The following C18orf63 variants were observed in gnomAD, a reference collection of about 807,000 sequenced individuals.
C18orf63 encodes the protein uncharacterized protein C18orf63.
A neutral mutation model predicts 75.3 loss-of-function variants in C18orf63; 50 were observed. That is an observed-to-expected ratio of 0.66 (90% confidence interval 0.53 to 0.84). The LOEUF (loss-of-function observed/expected upper bound fraction) is 0.84, where lower values mean the gene tolerates loss of function less well. C18orf63 is among the 40% of genes least tolerant of loss of function. The probability of loss-of-function intolerance (pLI) is 0.00; values close to 1 mark genes in which losing one functional copy is unlikely to be tolerated. For synonymous variants in C18orf63, 232 were observed against 267.6 expected, an observed-to-expected ratio of 0.87 and a Z score of 1.30; for missense variants, 732 against 800.2, an observed-to-expected ratio of 0.91 and a Z score of 1.03.
In C18orf63 at chr18:74,357,144, C is replaced by G. The variant is rs1468994616; in HGVS notation, c.*697C>G. On this transcript the variant is annotated 3_prime_UTR_variant, in exon 14 of 14. Transcript: ENST00000579455. ...CTGAATAAATGTAAAAGCTATTTCT[C>G]AACAAAACTGGAGCCTTTATTGGGG... The G allele has an allele frequency of 6.6e-6, 1 of 152,160 alleles. No individual in the cohort carries two copies. Among genetic ancestry groups the G allele is most frequent in the Non-Finnish European group, 1.5e-5 (1 of 68,038 alleles). The allele number at this position is 152,160 out of a possible 1,614,324, so 9.4% of individuals were successfully genotyped here.
intron 11 of C18orf63, among the ~76,000 whole-genome samples, chr18:74,347,147 T>C (rs140855096): frequency 6.6e-6 from 1 of 152,296 alleles, no homozygotes; most frequent in African/African-American, 2.4e-5. Flanking sequence ...GTTTCCTCAG[T>C]TGTAAAATGA....
chr18:74,324,621 A>G (rs1331649125), intron 4 of C18orf63, among the ~76,000 whole-genome samples: 1 of 152,220 alleles, frequency 6.6e-6, no homozygotes, highest in Non-Finnish European at 1.5e-5. Context: ...ACTAAGCATC[A>G]TCATTTTTAT....
chr18:74,326,714 T>C (rs1315539376), intron 4 of C18orf63, among the ~76,000 whole-genome samples: 1 of 152,228 alleles, frequency 6.6e-6, no homozygotes, highest in African/African-American at 2.4e-5. Flanking sequence ...TGTTGCCTGA[T>C]GTCGGATATG....
rs1458702099 is a variant in C18orf63 at position 74,318,013 on chromosome 18, T to A, written c.134+14T>A. Reference sequence around the variant, plus strand: ...GAAGATGTGCAGGTAAAAAAATACATCTTATAACTAAGACTTTTAAAACTT... The same window carrying A: ...GAAGATGTGCAGGTAAAAAAATACAACTTATAACTAAGACTTTTAAAACTT... On this transcript the variant is annotated intron_variant, in intron 2 of 13. Coordinates refer to ENST00000579455, the MANE Select transcript of C18orf63 (RefSeq NM_001174123.2). The A allele has an allele frequency of 6.8e-7, 1 of 1,464,424 alleles. No individual in the cohort carries two copies. The highest frequency in any genetic ancestry group is 9.0e-7 in the Non-Finnish European group (1 of 1,107,674). 90.7% of individuals were successfully genotyped at this position (1,464,424 alleles called of 1,614,324 possible). A position where few individuals can be genotyped will look rare whatever the true frequency, so the allele number is the denominator to read the frequency against.
At position 74,357,997 on chromosome 18, in the gene C18orf63, A is replaced by T. The variant is rs1485996846; in HGVS notation, c.*1550A>T. ...TGAGCACAGTCATCCACAGCATGTA[A>T]TCATTCCTAAAACCAGCCTTCCCCA... On this transcript the variant is annotated 3_prime_UTR_variant, in exon 14 of 14. Coordinates refer to ENST00000579455, the MANE Select transcript of C18orf63 (RefSeq NM_001174123.2). 6.6e-6 allele frequency: 1 copy of T among 152,146 alleles called. No homozygotes were observed. Among genetic ancestry groups the T allele is most frequent in the African/African-American group, 2.4e-5 (1 of 41,426 alleles). 9.4% of individuals were successfully genotyped at this position (152,146 alleles called of 1,614,324 possible).
At chr18:74,327,218 C>G (rs1317526654) in intron 4 of C18orf63, among the ~76,000 whole-genome samples, 2 of 152,154 alleles carry the variant, frequency 1.3e-5, no homozygotes, top group Admixed American at 1.3e-4. Context: ...CTCCCCAAAC[C>G]TTTATGATTT....
rs1429916241 is a variant in C18orf63, at chr18:74,317,979, T to A, written c.114T>A (p.Thr38=). Residue 38 remains threonine (T), a synonymous_variant, in exon 2 of 14, where the codon ACT becomes ACA. Coordinates refer to ENST00000579455, the MANE Select transcript of C18orf63 (RefSeq NM_001174123.2). ...AGGTGGCAGATACTGAGATTAGGAC[T>A]ATACAAATGAAGATGTGCAGGTAAA... ...SNKVADTEIR[T]IQMKMCRQLL... 1 of 1,505,478 alleles carries A rather than the reference T, an allele frequency of 6.6e-7. No individual in the cohort carries two copies. The highest frequency in any genetic ancestry group is 8.8e-7 in the Non-Finnish European group (1 of 1,130,488). The allele number at this position is 1,505,478 out of a possible 1,614,324, so 93.3% of individuals were successfully genotyped here.
At position 74,354,210 on chromosome 18, in the gene C18orf63, C is replaced by T; in HGVS notation, c.1943C>T (p.Ser648Leu). The T allele has an allele frequency of 6.5e-7, 1 of 1,535,972 alleles. No homozygotes were observed. The highest frequency in any genetic ancestry group is 1.4e-5 in the African/African-American group (1 of 73,044). Residue 648 changes from serine (S) to leucine (L), a missense_variant, in exon 12 of 14, where the codon TCA becomes TTA. By Grantham distance (145) the Ser-to-Leu change is moderately radical. Coordinates refer to ENST00000579455, the MANE Select transcript of C18orf63 (RefSeq NM_001174123.2). ...RKLCPESSKT[S>L]KKHHSDTVHY... Reference sequence around the variant, plus strand: ...TTATGTCCAGAGTCTTCCAAAACTTCAAAGAAGCATCATTCCGATACTGTG... The same window carrying T: ...TTATGTCCAGAGTCTTCCAAAACTTTAAAGAAGCATCATTCCGATACTGTG...
chr18:74,353,611 A>G lies in C18orf63; in HGVS notation c.1344A>G (p.Lys448=), dbSNP rs772562321. 18 of 1,536,168 alleles carry G rather than the reference A, an allele frequency of 1.2e-5. No individual in the cohort carries two copies. The African/African-American group carries it at 2.5e-4, about 21-fold the overall frequency. Residue 448 remains lysine, a synonymous_variant, in exon 12 of 14, where the codon AAA becomes AAG. Coordinates refer to ENST00000579455, the MANE Select transcript of C18orf63 (RefSeq NM_001174123.2). ...AAAATAGATTGTTACAAATGAACAA[A>G]AATACCTCAGTACTTGGCAGCCCAA... ...VFKNRLLQMN[K]NTSVLGSPKR...
chr18:74,327,744 G>T (rs1029833753), intron 4 of C18orf63, among the ~76,000 whole-genome samples: 9 of 152,218 alleles, frequency 5.9e-5, no homozygotes, highest in African/African-American at 2.2e-4. Flanking sequence ...CATGACAATA[G>T]TAGTGGTTTT....
rs779610805 is a variant in C18orf63 at position 74,354,067 on chromosome 18, T to C, written c.1800T>C (p.Asp600=). 5 of 1,536,254 alleles carry C rather than the reference T, an allele frequency of 3.3e-6. No homozygotes were observed. The highest frequency in any genetic ancestry group is 4.4e-6 in the Non-Finnish European group (5 of 1,146,918). ...GACAGCCACACATTTTTGAATCAGA[T>C]GGAGAAACCGAAGATCCACGACTGC... ...LKRQPHIFES[D]GETEDPRLLQ... is the part of the protein sequence containing the mutation. The change falls in exon 12 of 14, where the codon GAT becomes GAC. Residue 600 remains aspartate (D), a synonymous_variant. Coordinates refer to ENST00000579455, the MANE Select transcript of C18orf63 (RefSeq NM_001174123.2).
chr18:74,331,620 A>G (rs952082987), intron 7 of C18orf63, among the ~76,000 whole-genome samples: 1 of 152,198 alleles, frequency 6.6e-6, no homozygotes. Context: ...GGTAGAGGCC[A>G]GAGAAGGGAT....
intron 8 of C18orf63, among the ~76,000 whole-genome samples, chr18:74,341,225 C>G (rs1188171391): frequency 1.6e-5 from 2 of 126,010 alleles, no homozygotes; most frequent in East Asian, 2.4e-4. Flanking sequence ...GAGCCGAGAT[C>G]CCGCCACTGC....
At chr18:74,325,315 A>G (rs1984190322) in intron 4 of C18orf63, among the ~76,000 whole-genome samples, 2 of 152,186 alleles carry the variant, frequency 1.3e-5, no homozygotes, top group Non-Finnish European at 2.9e-5. Flanking sequence ...TGTGTTATAT[A>G]GTTTCCAAAT....
intron 8 of C18orf63, among the ~76,000 whole-genome samples, chr18:74,341,217 G>A (rs1468747439): frequency 1.5e-5 from 2 of 132,788 alleles, no homozygotes; most frequent in Non-Finnish European, 1.5e-5. Flanking sequence ...CTTGCAGTGA[G>A]CCGAGATCCC....
chr18:74,332,470 C>T (rs1057077639), intron 7 of C18orf63, among the ~76,000 whole-genome samples: 1 of 152,016 alleles, frequency 6.6e-6, no homozygotes, highest in Non-Finnish European at 1.5e-5. Flanking sequence ...TTTGGGAGGC[C>T]GAAGTGGGTG....
intron 2 of C18orf63, among the ~76,000 whole-genome samples, chr18:74,320,159 T>C (rs894358105): frequency 6.6e-6 from 1 of 152,150 alleles, no homozygotes; most frequent in Non-Finnish European, 1.5e-5. Context: ...GACTGGATAA[T>C]TTATGAAGAA....
At chr18:74,352,179 T>C (rs1011053388) in intron 11 of C18orf63, among the ~76,000 whole-genome samples, 2 of 152,168 alleles carry the variant, frequency 1.3e-5, no homozygotes, top group Non-Finnish European at 2.9e-5. Context: ...CACTTACATG[T>C]GGTACCTAGA....
intron 6 of C18orf63, 125 bp from the exon 7 acceptor site, chr18:74,330,741 T>C: frequency 4.3e-6 from 2 of 465,644 alleles, no homozygotes; most frequent in Non-Finnish European, 7.4e-6. Flanking sequence ...AATTTTACCA[T>C]GTGCGGAAAA....
Sources: allele counts gnomAD v4.1 joint callset (sites outside exome capture counted in the v4.1 genomes callset), GRCh38; gene constraint gnomAD v4.1.1; transcripts MANE v1.5; gene names NCBI Gene and HGNC (gene_info 2026-07-23, HGNC 2026-07-21).